The following SFI1 variants were observed in gnomAD, a reference collection of about 807,000 sequenced individuals.
SFI1 encodes the protein SFI1 centrin binding protein, also known as protein SFI1 homolog.
SFI1 carries 195 observed loss-of-function variants against 207.5 expected under a neutral mutation model. The observed-to-expected ratio is 0.94, with a 90% CI of 0.84 to 1.06. SFI1 has a LOEUF of 1.06. Ranked by LOEUF, SFI1 falls within the 50% of genes least tolerant of loss-of-function variation. The pLI is 0.00. For synonymous variants in SFI1, 630 were observed against 598.9 expected (o/e 1.05, Z -0.76); for missense variants, 1,634 against 1,588.0 (o/e 1.03, Z -0.49).
chr22:31,590,913 G>T, intron 15 of SFI1, among the ~76,000 whole-genome samples: 1 of 149,270 alleles, frequency 6.7e-6, no homozygotes, highest in South Asian at 2.2e-4. Flanking sequence ...TTCTTGATTA[G>T]TTTTACTACT....
At chr22:31,525,522 G>C (rs939359221) in intron 2 of SFI1, among the ~76,000 whole-genome samples, 1 of 152,138 alleles carries the variant, frequency 6.6e-6, no homozygotes, top group African/African-American at 2.4e-5. Context: ...GAGCCTGGGA[G>C]TTCAAGACCA....
chr22:31,588,779 C>T (rs1408138068), intron 14 of SFI1, among the ~76,000 whole-genome samples: 1 of 151,042 alleles, frequency 6.6e-6, no homozygotes, highest in African/African-American at 2.4e-5. Context: ...TGCCACTGCA[C>T]TCCAGCCTGG....
intron 1 of SFI1, among the ~76,000 whole-genome samples, chr22:31,501,677 A>C (rs2053799136): frequency 6.6e-6 from 1 of 152,220 alleles, no homozygotes; most frequent in African/African-American, 2.4e-5. Flanking sequence ...TAGGTAGTTC[A>C]TGAAAAGTGC....
intron 2 of SFI1, among the ~76,000 whole-genome samples, chr22:31,524,045 T>C (rs2057600127): frequency 6.7e-6 from 1 of 149,440 alleles, no homozygotes; most frequent in African/African-American, 2.5e-5. Flanking sequence ...CTACTAATAA[T>C]ACAAAAATTA....
At chr22:31,570,734 TG>T (rs1653722836) in intron 8 of SFI1, among the ~76,000 whole-genome samples, 1 of 152,082 alleles carries the variant, frequency 6.6e-6, no homozygotes, top group African/African-American at 2.4e-5. Context: ...AGACCCCATC[TG>T]TTTTTTTAAA....
At chr22:31,612,252 C>T (rs1448863618) in intron 24 of SFI1, 38 of 189,692 alleles carry the variant, frequency 2.0e-4, no homozygotes, top group Admixed American at 1.6e-3. Flanking sequence ...TGGTGGTGGG[C>T]GCCTGTAGTC....
intron 29 of SFI1, 198 bp downstream of exon 29, chr22:31,615,477 C>T (rs2071261839): frequency 2.2e-6 from 1 of 448,846 alleles, no homozygotes; most frequent in African/African-American, 2.0e-5. Context: ...AGGGCCCTGC[C>T]ATCCTGAAGC....
At position 31,616,745 on chromosome 22, in the gene SFI1, G is replaced by T; in HGVS notation, c.3301G>T (p.Val1101Leu). 6.5e-7 allele frequency: 1 copy of T among 1,539,796 alleles called. No individual in the cohort carries two copies. The highest frequency in any genetic ancestry group is 8.7e-7 in the Non-Finnish European group (1 of 1,147,078). Residue 1101 changes from valine to leucine, a missense_variant and splice_region_variant, in exon 30 of 33, where the codon GTG (valine) becomes TTG (leucine). Transcript: ENST00000400288. ...MPCGAAAPAR[V>L]SAQRATPRDK... Reference sequence around the variant, plus strand: ...GCATCTACCCTTCTTTCCTTTGCAGGTGTCAGCACAGCGGGCTACTCCTAG... The same window carrying T: ...GCATCTACCCTTCTTTCCTTTGCAGTTGTCAGCACAGCGGGCTACTCCTAG...
chr22:31,565,108 C>T (rs2062149609), intron 8 of SFI1, among the ~76,000 whole-genome samples: 1 of 151,884 alleles, frequency 6.6e-6, no homozygotes, highest in Non-Finnish European at 1.5e-5. Context: ...CAGGCGTGAG[C>T]CACCGTGCCC....
At chr22:31,582,225 TATATATATATA>T (rs2064356348) in intron 12 of SFI1, among the ~76,000 whole-genome samples, 1 of 45,654 alleles carries the variant, frequency 2.2e-5, no homozygotes, top group Non-Finnish European at 4.4e-5. Context: ...TATATATATA[TATATATATATA>T]TTTTTTTTTT....
intron 2 of SFI1, among the ~76,000 whole-genome samples, chr22:31,515,672 A>G (rs940334415): frequency 4.0e-5 from 6 of 151,038 alleles, no homozygotes; most frequent in Non-Finnish European, 8.8e-5. Flanking sequence ...GGCATGAGCC[A>G]TGTGCCAGCC....
intron 15 of SFI1, among the ~76,000 whole-genome samples, chr22:31,594,442 G>A (rs1190721907): frequency 6.6e-6 from 1 of 151,736 alleles, no homozygotes; most frequent in Non-Finnish European, 1.5e-5. Flanking sequence ...CAGCTACTCG[G>A]GAGGCTGAGG....
intron 9 of SFI1, 61 bp downstream of exon 9, chr22:31,573,275 T>C: frequency 6.3e-7 from 1 of 1,576,930 alleles, no homozygotes; most frequent in South Asian, 1.1e-5. Context: ...ACTCTCCTGC[T>C]GCCAGTGGTA....
At chr22:31,614,605 A>G (rs2071033429) in intron 27 of SFI1, 184 bp from the exon 28 acceptor site, 2 of 715,380 alleles carry the variant, frequency 2.8e-6, no homozygotes, top group Non-Finnish European at 5.1e-6. Context: ...CCCTGGCGTC[A>G]GGTACCTTTT....
chr22:31,554,432 C>T (rs2060958693), intron 6 of SFI1, among the ~76,000 whole-genome samples: 1 of 152,102 alleles, frequency 6.6e-6, no homozygotes, highest in Admixed American at 6.6e-5. Context: ...CCTCAGCCTC[C>T]CAATTAGCTG....
chr22:31,575,100 GT>G, intron 9 of SFI1, 130 bp from the exon 10 acceptor site: 4 of 338,212 alleles, frequency 1.2e-5, no homozygotes, highest in Non-Finnish European at 9.2e-6. Flanking sequence ...GTGTGTGTGT[GT>G]GTGTGTGTGT....
intron 24 of SFI1, chr22:31,612,401 ATATAT>A (rs2070461515): frequency 3.2e-5 from 2 of 63,010 alleles, no homozygotes; most frequent in Non-Finnish European, 6.1e-5. Flanking sequence ...AAAAAAAAAT[ATATAT>A]ATATATATAT....
At chr22:31,531,556 T>A (rs2058526687) in intron 4 of SFI1, among the ~76,000 whole-genome samples, 1 of 152,052 alleles carries the variant, frequency 6.6e-6, no homozygotes, top group Non-Finnish European at 1.5e-5. Context: ...GGTTAGGAGT[T>A]CGAGACCAGC....
Position 31,575,326 on chromosome 22 carries a change from C to T in SFI1, c.1018C>T (p.His340Tyr). Residue 340 changes from histidine (H) to tyrosine (Y), a missense_variant, in exon 10 of 33, where the codon CAT becomes TAT. Coordinates refer to ENST00000400288, the MANE Select transcript of SFI1 (RefSeq NM_001007467.3). ...GCGGAGGGAGAGCTTGTACGCTCAC[C>T]ATGCCCAGGTGGAGAAACTGGCCAG... Reference protein sequence around the residue: ...WERRESLYAHHAQVEKLARKM... With the variant: ...WERRESLYAHYAQVEKLARKM... 2 of 1,613,430 alleles carry T rather than the reference C, an allele frequency of 1.2e-6. No homozygotes were observed. Among genetic ancestry groups the T allele is most frequent in the South Asian group, 1.1e-5 (1 of 90,858 alleles).
Sources: gnomAD v4.1 joint callset for allele counts (sites outside exome capture counted in the v4.1 genomes callset) on GRCh38, gnomAD v4.1.1 for gene constraint, MANE v1.5 for transcripts, NCBI Gene and HGNC (gene_info 2026-07-23, HGNC 2026-07-21) for gene names.